Variants in TBCD observed in about 807,000 individuals in gnomAD.
TBCD encodes tubulin-specific chaperone D.
TBCD carries 105 observed loss-of-function variants against 169.3 expected under a neutral mutation model. That is an observed-to-expected ratio of 0.62 (90% CI 0.53 to 0.73). The LOEUF (loss-of-function observed/expected upper bound fraction) is 0.73. TBCD is among the 30% of genes least tolerant of loss of function. The pLI is 0.00. For synonymous variants in TBCD, 700 were observed against 643.9 expected (o/e 1.09, Z -1.32); for missense variants, 1,444 against 1,600.1 (o/e 0.90, Z 1.66).
At chr17:82,793,103 C>CATAAAGAAT (rs2144543234) in intron 7 of TBCD, among the ~76,000 whole-genome samples, 1 of 152,278 alleles carries the variant, frequency 6.6e-6, no homozygotes, top group East Asian at 1.9e-4. Context: ...TCTTAAAATT[C>CATAAAGAAT]TTTATAATTT....
intron 6 of TBCD, among the ~76,000 whole-genome samples, chr17:82,776,959 G>A (rs190758595): frequency 1.6e-4 from 24 of 152,266 alleles, no homozygotes; most frequent in African/African-American, 5.8e-4. Context: ...ACCTGACTCT[G>A]CGTGTCTGTG....
rs1353897051 is a variant in TBCD at position 82,926,429 on chromosome 17, C to T, written c.2409C>T (p.His803=). 2 of 1,614,030 alleles carry T rather than the reference C, an allele frequency of 1.2e-6. No individual in the cohort carries two copies. Among genetic ancestry groups the T allele is most frequent in the Non-Finnish European group, 8.5e-7 (1 of 1,179,888 alleles). ...QVLTGLRAVT[H]TSPEDVSFAE... ...TCACAGGTTTAAGAGCAGTTACCCA[C>T]ACTTCCCCCGAGGACGTAAGTTTTG... The change falls in exon 28 of 39, where the codon CAC becomes CAT. Residue 803 remains histidine (H), a synonymous_variant. Transcript: ENST00000355528.
At chr17:82,760,245 T>G (rs1405331901) in intron 2 of TBCD, among the ~76,000 whole-genome samples, 1 of 152,230 alleles carries the variant, frequency 6.6e-6, no homozygotes, top group African/African-American at 2.4e-5. Context: ...GATGGTTTTG[T>G]AGCCCGTTCA....
At chr17:82,761,291 G>A (rs945828865) in intron 2 of TBCD, among the ~76,000 whole-genome samples, 1 of 151,976 alleles carries the variant, frequency 6.6e-6, no homozygotes, top group Non-Finnish European at 1.5e-5. Flanking sequence ...TTTCTTAGCA[G>A]GTAAATATTA....
chr17:82,919,542 G>C (rs143244979), intron 23 of TBCD, among the ~76,000 whole-genome samples: 30 of 152,208 alleles, frequency 2.0e-4, no homozygotes, highest in Admixed American at 3.3e-4. Flanking sequence ...CAGAGCAGAC[G>C]TGTGGGCATT....
chr17:82,771,976 C>T lies in TBCD; in HGVS notation c.583-476C>T, dbSNP rs182637418. 1.3e-3 allele frequency among the ~76,000 whole-genome samples: 199 copies of T among 152,066 alleles called. 1 individual carries two copies. The highest frequency in any genetic ancestry group is 4.7e-3 in the African/African-American group (195 of 41,486). The stretch of plus-strand genomic sequence containing the variant: ...AAAATATATACACCTACTATGTACC[C>T]CAAAAATTAAACACTAAAAATTAAA... On this transcript the variant is annotated intron_variant, in intron 5 of 38. Transcript: ENST00000355528.
rs548410198 is a variant in TBCD, at chr17:82,834,942, A to G, written c.1318+20008A>G. Among the ~76,000 whole-genome samples, 18 of 152,150 alleles carry G rather than the reference A, an allele frequency of 1.2e-4. No homozygotes were observed. In the East Asian group the frequency reaches 2.1e-3, roughly 18 times the overall value. ...GCTGGGGGCCGTGGCTCATGCCTGT[A>G]ATCCCAGCACTTTGGGAGGCCGAGG... On this transcript the variant is annotated intron_variant, in intron 13 of 38. Transcript: ENST00000355528.
chr17:82,936,384 C>CT (rs139269629), intron 34 of TBCD, among the ~76,000 whole-genome samples: 7,480 of 152,308 alleles, frequency 0.049, 382 homozygotes, highest in African/African-American at 0.13. Flanking sequence ...CCCTGCGGCC[C>CT]TTCCTTCCGT....
In TBCD at chr17:82,806,665, A is replaced by G. The variant is rs2144776097; in HGVS notation, c.1087+654A>G. Among the ~76,000 whole-genome samples, 1 of 151,894 alleles carries G rather than the reference A, an allele frequency of 6.6e-6. No homozygotes were observed. The highest frequency in any genetic ancestry group is 1.5e-5 in the Non-Finnish European group (1 of 67,942). ...AGCTTCCTGATGGGCAGGCGGGGCCACGCTGCCTGTGCTGTGCTGCACTCT... is the reference window on the plus strand; with the variant it reads ...AGCTTCCTGATGGGCAGGCGGGGCCGCGCTGCCTGTGCTGTGCTGCACTCT... On this transcript the variant is annotated intron_variant, in intron 10 of 38. Transcript: ENST00000355528. This position sits in a 1 kb window ranked among gnomAD's most constrained non-coding sequence, Gnocchi z 5.1.
At chr17:82,817,053 T>C (rs2051978756) in intron 13 of TBCD, among the ~76,000 whole-genome samples, 1 of 152,188 alleles carries the variant, frequency 6.6e-6, no homozygotes, top group Non-Finnish European at 1.5e-5. Context: ...AGTAAGAGTT[T>C]TTTTATGTAT....
intron 13 of TBCD, among the ~76,000 whole-genome samples, chr17:82,844,993 G>C (rs755127807): frequency 6.6e-6 from 1 of 151,822 alleles, no homozygotes; most frequent in African/African-American, 2.4e-5. Context: ...CACCAGAGGT[G>C]GGGGGTGCTT....
At chr17:82,775,293 C>A (rs2048525067) in intron 6 of TBCD, among the ~76,000 whole-genome samples, 1 of 152,228 alleles carries the variant, frequency 6.6e-6, no homozygotes, top group South Asian at 2.1e-4. Flanking sequence ...CACACTCTCG[C>A]ACACTGATTC....
At position 82,870,228 on chromosome 17, in the gene TBCD, C is replaced by T. The variant is rs369237130; in HGVS notation, c.1323C>T (p.Val441=). The T allele has an allele frequency of 1.1e-4, 172 of 1,612,944 alleles. 1 individual carries two copies. The highest frequency in any genetic ancestry group is 5.7e-4 in the African/African-American group (43 of 75,048). The change falls in exon 14 of 39, where the codon GTC becomes GTT. Residue 441 remains valine (V), a synonymous_variant. Coordinates refer to ENST00000355528, the MANE Select transcript of TBCD (RefSeq NM_005993.5). The part of the protein sequence containing the change: ...LLLPSRLVDV[V]AVILKALTYD... The stretch of plus-strand genomic sequence containing the variant: ...TTTTCTCTTGTCCTTGCCCAGTTGT[C>T]GCCGTGATCCTGAAGGCGCTGACCT...
intron 13 of TBCD, among the ~76,000 whole-genome samples, chr17:82,837,422 G>A (rs558020274): frequency 6.6e-6 from 1 of 152,214 alleles, no homozygotes; most frequent in Non-Finnish European, 1.5e-5. Context: ...GCTGTTTACA[G>A]TAATTTGGAT....
At chr17:82,830,952 T>G in intron 13 of TBCD, 1 of 1,613,372 alleles carries the variant, frequency 6.2e-7, no homozygotes, top group Admixed American at 1.7e-5. Flanking sequence ...TGAGCAAGTA[T>G]AAGCCTGGCT....
Position 82,931,128 on chromosome 17 carries a change from C to T in TBCD, c.3113+485C>T, listed in dbSNP as rs539352117. Among the ~76,000 whole-genome samples the T allele has an allele frequency of 5.9e-5, 9 of 152,312 alleles. No individual in the cohort carries two copies. In the East Asian group the frequency reaches 1.7e-3, roughly 29 times the overall value. ...GTATAGACCCTGTGGGCCTTGACCTCAGAATTGGGAACATCCTCTGGAAGG... is the reference window on the plus strand; with the variant it reads ...GTATAGACCCTGTGGGCCTTGACCTTAGAATTGGGAACATCCTCTGGAAGG... On this transcript the variant is annotated intron_variant, in intron 33 of 38. Coordinates refer to ENST00000355528, the MANE Select transcript of TBCD (RefSeq NM_005993.5).
At chr17:82,848,323 C>T (rs1236505755) in intron 13 of TBCD, among the ~76,000 whole-genome samples, 6 of 151,782 alleles carry the variant, frequency 4.0e-5, no homozygotes, top group South Asian at 4.2e-4. Flanking sequence ...TGCGGATTGG[C>T]GCTGCGGCTT....
chr17:82,908,418 A>G (rs1204391409), intron 21 of TBCD: 1 of 456,530 alleles, frequency 2.2e-6, no homozygotes, highest in East Asian at 6.9e-5. Context: ...GAGATTCTCA[A>G]AGGCTTCTGT....
At chr17:82,805,472 AG>A (rs1041926210) in intron 9 of TBCD, among the ~76,000 whole-genome samples, 2 of 152,108 alleles carry the variant, frequency 1.3e-5, no homozygotes, top group African/African-American at 4.8e-5. Flanking sequence ...CTGGTGATGA[AG>A]GGGCGGTGTG....
Sources: gnomAD v4.1 joint callset for allele counts (sites outside exome capture counted in the v4.1 genomes callset) on GRCh38, gnomAD v4.1.1 for gene constraint, Gnocchi (gnomAD v3.1) non-coding constraint, MANE v1.5 for transcripts, NCBI Gene and HGNC (gene_info 2026-07-23, HGNC 2026-07-21) for gene names.